Variants in FOXN3 observed in about 807,000 individuals in gnomAD.
The protein encoded by FOXN3 is forkhead box protein N3.
Under a neutral mutation model 38.4 loss-of-function variants are expected in FOXN3, and 7 were observed. The observed-to-expected ratio is 0.18, with a 90% CI of 0.10 to 0.34. The LOEUF (loss-of-function observed/expected upper bound fraction) is 0.34. Ranked by LOEUF, FOXN3 falls within the 10% of genes least tolerant of loss-of-function variation. The pLI is 1.00. For synonymous variants in FOXN3, 230 were observed against 242.2 expected (o/e 0.95, Z 0.47); for missense variants, 456 against 613.4 (o/e 0.74, Z 2.71).
intron 4 of FOXN3, among the ~76,000 whole-genome samples, chr14:89,238,858 G>A (rs1596123930): frequency 6.6e-6 from 1 of 152,004 alleles, no homozygotes; most frequent in Non-Finnish European, 1.5e-5. Context: ...ATGGTTTTGG[G>A]GTAGATTATA....
intron 3 of FOXN3, among the ~76,000 whole-genome samples, chr14:89,337,253 T>G (rs1317999706): frequency 1.3e-5 from 2 of 152,112 alleles, no homozygotes; most frequent in Non-Finnish European, 2.9e-5. Context: ...TTTCTTCCTA[T>G]GGGATCAAAG....
chr14:89,323,934 T>C (rs1887968772), intron 3 of FOXN3, among the ~76,000 whole-genome samples: 1 of 152,138 alleles, frequency 6.6e-6, no homozygotes. Flanking sequence ...GGATGTGTTT[T>C]AGAGACTCAT....
At chr14:89,413,754 G>GAAGAAGGGA (rs1310826905) in intron 1 of FOXN3, among the ~76,000 whole-genome samples, 1 of 110,390 alleles carries the variant, frequency 9.1e-6, no homozygotes, top group Non-Finnish European at 1.9e-5. Context: ...GGAAGGGAAG[G>GAAGAAGGGA]AAGAAGGGAA....
At chr14:89,489,665 G>C (rs1291474901) in intron 1 of FOXN3, among the ~76,000 whole-genome samples, 1 of 152,210 alleles carries the variant, frequency 6.6e-6, no homozygotes, top group Non-Finnish European at 1.5e-5. Context: ...TTTAGTCCCA[G>C]ATGGACCATT....
intron 1 of FOXN3, among the ~76,000 whole-genome samples, chr14:89,544,503 A>ATTT (rs1894848599): frequency 2.0e-5 from 3 of 152,072 alleles, no homozygotes; most frequent in Admixed American, 6.5e-5. Context: ...ATAATCAACA[A>ATTT]ACCCTTACTA....
intron 1 of FOXN3, among the ~76,000 whole-genome samples, chr14:89,529,133 A>C (rs576187409): frequency 7.9e-5 from 12 of 152,328 alleles, no homozygotes; most frequent in Admixed American, 2.6e-4. Context: ...ATTACCCATC[A>C]ATCCCAAAAC....
At chr14:89,497,324 A>G (rs576987983) in intron 1 of FOXN3, among the ~76,000 whole-genome samples, 2 of 151,824 alleles carry the variant, frequency 1.3e-5, no homozygotes, top group Non-Finnish European at 2.9e-5. Context: ...TTATCCATTC[A>G]TCTGTCGACA....
In FOXN3 at chr14:89,329,855, CAAAAAAAAAAAA is replaced by C. The variant is rs57791098; in HGVS notation, c.680+20805_680+20816del. 1.2e-3 allele frequency among the ~76,000 whole-genome samples: 69 copies of C among 59,866 alleles called. No individual in the cohort carries two copies. The South Asian group carries it at 0.026, about 22-fold the overall frequency. 39.3% of individuals were successfully genotyped at this position (59,866 alleles called of 152,430 possible). ...TGGGCGACAGAGCGAGACTCAGTCT[CAAAAAAAAAAAA>C]AAAAAAAAAAAAAAAAAAAAGAATT... On this transcript the variant is annotated intron_variant, in intron 3 of 5. Coordinates refer to ENST00000557258, the MANE Select transcript of FOXN3 (RefSeq NM_005197.4).
At chr14:89,438,132 T>G (rs1324063836) in intron 1 of FOXN3, among the ~76,000 whole-genome samples, 2 of 152,232 alleles carry the variant, frequency 1.3e-5, no homozygotes, top group Non-Finnish European at 2.9e-5. Flanking sequence ...TCAATAAAAA[T>G]CATACAAATA....
intron 3 of FOXN3, among the ~76,000 whole-genome samples, chr14:89,299,786 A>T (rs975622349): frequency 6.6e-6 from 1 of 152,220 alleles, no homozygotes; most frequent in African/African-American, 2.4e-5. Flanking sequence ...TGACAATGGT[A>T]CAAATGGCAC....
At chr14:89,196,070 C>G (rs758640236) in intron 4 of FOXN3, among the ~76,000 whole-genome samples, 1 of 152,190 alleles carries the variant, frequency 6.6e-6, no homozygotes, top group African/African-American at 2.4e-5. Context: ...TTCCCAGCAG[C>G]CTATTTCAAT....
intron 3 of FOXN3, chr14:89,349,469 T>C (rs1418222793): frequency 6.6e-6 from 1 of 152,586 alleles, no homozygotes; most frequent in Non-Finnish European, 1.5e-5. Context: ...AAGGCAACAG[T>C]GTATATCTAA....
chr14:89,277,739 G>A (rs979085359), intron 4 of FOXN3, among the ~76,000 whole-genome samples: 14 of 152,078 alleles, frequency 9.2e-5, no homozygotes, highest in African/African-American at 1.7e-4. Flanking sequence ...CTGGTGCCCC[G>A]CTCTAACTAT....
intron 1 of FOXN3, among the ~76,000 whole-genome samples, chr14:89,567,439 T>C (rs10136443): frequency 0.034 from 515 of 15,228 alleles, 37 homozygotes; most frequent in Middle Eastern, 0.077. Context: ...TACAAAGTGG[T>C]ACTAAGGGAA....
chr14:89,476,748 G>A (rs957737036), intron 1 of FOXN3, among the ~76,000 whole-genome samples: 2 of 152,166 alleles, frequency 1.3e-5, no homozygotes, highest in African/African-American at 4.8e-5. Flanking sequence ...GCTGAAGACC[G>A]ATGCCTGTTT....
At chr14:89,589,040 A>G (rs184489476) in intron 1 of FOXN3, among the ~76,000 whole-genome samples, 2 of 152,316 alleles carry the variant, frequency 1.3e-5, no homozygotes, top group East Asian at 3.9e-4. Context: ...ATATGCCACA[A>G]ATCTAGTGAC....
At chr14:89,403,328 G>A (rs1191646369) in intron 2 of FOXN3, among the ~76,000 whole-genome samples, 2 of 152,160 alleles carry the variant, frequency 1.3e-5, no homozygotes, top group African/African-American at 4.8e-5. Flanking sequence ...CAGGAGAGTA[G>A]CTGGGACTAC....
At chr14:89,590,433 T>C (rs1051631263) in intron 1 of FOXN3, among the ~76,000 whole-genome samples, 1 of 152,006 alleles carries the variant, frequency 6.6e-6, no homozygotes, top group African/African-American at 2.4e-5. Context: ...ACTCAAAAAT[T>C]CCGGCAGAGG....
intron 1 of FOXN3, among the ~76,000 whole-genome samples, chr14:89,416,524 G>A (rs1192055171): frequency 2.6e-5 from 4 of 152,144 alleles, no homozygotes; most frequent in Non-Finnish European, 5.9e-5. Flanking sequence ...TTAGGAGCCT[G>A]TTTCTCATCT....
Sources: gnomAD v4.1 joint callset for allele counts (sites outside exome capture counted in the v4.1 genomes callset) on GRCh38, gnomAD v4.1.1 for gene constraint, MANE v1.5 for transcripts, NCBI Gene and HGNC (gene_info 2026-07-23, HGNC 2026-07-21) for gene names.